CACNA2D2: variants seen among roughly 807,000 people sequenced by gnomAD.
CACNA2D2 encodes the protein voltage-dependent calcium channel subunit alpha-2/delta-2.
Under a neutral mutation model 166.4 loss-of-function variants are expected in CACNA2D2, and 48 were observed. The ratio of observed to expected loss-of-function variants is 0.29; its 90% CI spans 0.23 to 0.37. The LOEUF (loss-of-function observed/expected upper bound fraction) is 0.37. Among genes scored for constraint, CACNA2D2 ranks in the 10% least tolerant of loss-of-function variants. CACNA2D2 has a pLI of 1.00. For missense variants in CACNA2D2, 1,122 were observed against 1,433.0 expected (o/e 0.78, Z 3.50); for synonymous variants, 561 against 573.7 (o/e 0.98, Z 0.32).
At chr3:50,457,753 C>T (rs1167675489) in intron 2 of CACNA2D2, among the ~76,000 whole-genome samples, 1 of 152,222 alleles carries the variant, frequency 6.6e-6, no homozygotes, top group Admixed American at 6.5e-5. Flanking sequence ...TATGAAGAAA[C>T]AAGACCCAGG....
chr3:50,466,487 C>G (rs1709833915), intron 2 of CACNA2D2, among the ~76,000 whole-genome samples: 1 of 152,204 alleles, frequency 6.6e-6, no homozygotes, highest in South Asian at 2.1e-4. Context: ...CACATGCTCA[C>G]CTTCTATGAC....
At position 50,427,862 on chromosome 3, in the gene CACNA2D2, C is replaced by T. The variant is rs1226182185; in HGVS notation, c.405+6451G>A. ...CATGGCCTGGTCCTCCAGGGGCCAA[C>T]CTGTTTGTCTCACCCTCGTCAGTGA... On this transcript the variant is annotated intron_variant, in intron 3 of 37. Coordinates refer to ENST00000424201, the MANE Select transcript of CACNA2D2 (RefSeq NM_006030.4). This position sits in a 1 kb window ranked among gnomAD's most constrained non-coding sequence, Gnocchi z 4.7. 2.0e-5 allele frequency among the ~76,000 whole-genome samples: 3 copies of T among 152,228 alleles called. No individual in the cohort carries two copies. The highest frequency in any genetic ancestry group is 4.4e-5 in the Non-Finnish European group (3 of 68,036).
intron 1 of CACNA2D2, among the ~76,000 whole-genome samples, chr3:50,490,946 G>A (rs1698495541): frequency 6.6e-6 from 1 of 152,196 alleles, no homozygotes; most frequent in Non-Finnish European, 1.5e-5. Context: ...CGAAGGACAG[G>A]CAGAGGTCAG....
At chr3:50,414,843 G>A (rs954852217) in intron 3 of CACNA2D2, among the ~76,000 whole-genome samples, 2 of 152,244 alleles carry the variant, frequency 1.3e-5, no homozygotes, top group African/African-American at 2.4e-5. Context: ...GGCCGGCGGC[G>A]CAGGGCTCCG....
At chr3:50,494,725 A>C (rs1698657135) in intron 1 of CACNA2D2, among the ~76,000 whole-genome samples, 1 of 152,142 alleles carries the variant, frequency 6.6e-6, no homozygotes, top group African/African-American at 2.4e-5. Flanking sequence ...TCCAGGCTGG[A>C]GTCCAATGGC....
chr3:50,500,236 C>A (rs539664771), intron 1 of CACNA2D2, among the ~76,000 whole-genome samples: 2 of 145,308 alleles, frequency 1.4e-5, no homozygotes, highest in South Asian at 4.2e-4. Flanking sequence ...ACCCCTCAGG[C>A]CCCTCACTGC....
At chr3:50,443,030 A>G (rs1708675839) in intron 2 of CACNA2D2, among the ~76,000 whole-genome samples, 1 of 152,166 alleles carries the variant, frequency 6.6e-6, no homozygotes, top group African/African-American at 2.4e-5. Context: ...ACCAAACCGC[A>G]GGCAAGAACC....
intron 3 of CACNA2D2, among the ~76,000 whole-genome samples, chr3:50,413,181 G>T (rs1488991460): frequency 6.6e-6 from 1 of 152,114 alleles, no homozygotes; most frequent in African/African-American, 2.4e-5. Context: ...GGGGTAGGGG[G>T]GTGGTGGTGG....
chr3:50,389,771 G>A (rs1025653560), intron 4 of CACNA2D2, among the ~76,000 whole-genome samples: 2 of 152,212 alleles, frequency 1.3e-5, no homozygotes, highest in Admixed American at 6.5e-5. Flanking sequence ...CCCTGCAGAT[G>A]ACAGATGAGG....
At chr3:50,493,386 T>C (rs899829401) in intron 1 of CACNA2D2, among the ~76,000 whole-genome samples, 24 of 152,122 alleles carry the variant, frequency 1.6e-4, no homozygotes, top group African/African-American at 5.6e-4. Context: ...CTGGGCAAGG[T>C]TTCCTCCCCT....
At position 50,376,947 on chromosome 3, in the gene CACNA2D2, A is replaced by G. The variant is rs1705027767; in HGVS notation, c.1626+520T>C. ...AGAGAATTCCCTCTGCCTCCAATGT[A>G]CGCCATCCCCTCCTTTCCTTTCTGC... On this transcript the variant is annotated intron_variant, in intron 17 of 37. Transcript: ENST00000424201. This position sits in a 1 kb window ranked among gnomAD's most constrained non-coding sequence, Gnocchi z 4.3. Among the ~76,000 whole-genome samples the G allele has an allele frequency of 6.6e-6, 1 of 152,188 alleles. No homozygotes were observed. Among genetic ancestry groups the G allele is most frequent in the East Asian group, 1.9e-4 (1 of 5,182 alleles).
At chr3:50,395,691 A>G (rs1265500037) in intron 3 of CACNA2D2, among the ~76,000 whole-genome samples, 2 of 152,202 alleles carry the variant, frequency 1.3e-5, no homozygotes, top group African/African-American at 4.8e-5. Context: ...CCTCCTCTGA[A>G]GCATGGACTA....
Position 50,365,630 on chromosome 3 carries a change from T to C in CACNA2D2, c.2971+3A>G. On this transcript the variant is annotated splice_donor_region_variant and intron_variant, in intron 34 of 37. Transcript: ENST00000424201. This position sits in a 1 kb window ranked among gnomAD's most constrained non-coding sequence, Gnocchi z 4.5. ...GAGGAGGCGCCTCCAAAGCCCTACC[T>C]ACCTGCTTGGAACCAGCTGTGGTAG... is the stretch of plus-strand genomic sequence containing the variant. 3.2e-6 allele frequency: 5 copies of C among 1,576,548 alleles called. No individual in the cohort carries two copies. The highest frequency in any genetic ancestry group is 4.3e-6 in the Non-Finnish European group (5 of 1,161,000).
At chr3:50,462,513 C>T (rs34866311) in intron 2 of CACNA2D2, among the ~76,000 whole-genome samples, 3,468 of 151,820 alleles carry the variant, frequency 0.023, 63 homozygotes, top group Non-Finnish European at 0.032. Context: ...AAAAGTCTTC[C>T]GCAAGGCGCA....
At chr3:50,399,251 C>T (rs1352427156) in intron 3 of CACNA2D2, among the ~76,000 whole-genome samples, 1 of 152,204 alleles carries the variant, frequency 6.6e-6, no homozygotes, top group Non-Finnish European at 1.5e-5. Context: ...GTGCTGGTGG[C>T]CCAGAAGGGT....
intron 1 of CACNA2D2, among the ~76,000 whole-genome samples, chr3:50,501,935 G>T (rs1053351133): frequency 1.3e-5 from 2 of 152,174 alleles, no homozygotes; most frequent in African/African-American, 4.8e-5. Context: ...CGTCCGTGCG[G>T]CACTTGTAAT....
chr3:50,478,761 G>A lies in CACNA2D2; in HGVS notation c.207-2562C>T, dbSNP rs568974040. Among the ~76,000 whole-genome samples, 29 of 152,316 alleles carry A rather than the reference G, an allele frequency of 1.9e-4. 1 individual carries two copies. The South Asian group carries it at 5.8e-3, about 30-fold the overall frequency. On this transcript the variant is annotated intron_variant, in intron 1 of 37. Coordinates refer to ENST00000424201, the MANE Select transcript of CACNA2D2 (RefSeq NM_006030.4). ...AAGCTGACTCACAAAAGCTGATTCTGTGCACCTCTTTCCAACTCTGCATTT... is the reference window on the plus strand; with the variant it reads ...AAGCTGACTCACAAAAGCTGATTCTATGCACCTCTTTCCAACTCTGCATTT...
At chr3:50,377,015 C>T (rs962335701) in intron 17 of CACNA2D2, among the ~76,000 whole-genome samples, 2 of 152,218 alleles carry the variant, frequency 1.3e-5, no homozygotes, top group African/African-American at 4.8e-5. Context: ...GTCTGGCCTG[C>T]TGCCCATTAC....
chr3:50,501,069 C>T (rs1698942670), intron 1 of CACNA2D2, among the ~76,000 whole-genome samples: 1 of 152,152 alleles, frequency 6.6e-6, no homozygotes, highest in Admixed American at 6.5e-5. Flanking sequence ...CTTGGAAATC[C>T]ACCTGTATCA....
Sources: gnomAD v4.1 joint callset for allele counts (sites outside exome capture counted in the v4.1 genomes callset) on GRCh38, gnomAD v4.1.1 for gene constraint, Gnocchi (gnomAD v3.1) non-coding constraint, MANE v1.5 for transcripts, NCBI Gene and HGNC (gene_info 2026-07-23, HGNC 2026-07-21) for gene names.